The following SUMF1 variants were observed in gnomAD, a reference collection of about 807,000 sequenced individuals.
The protein encoded by SUMF1 is formylglycine-generating enzyme.
A neutral mutation model predicts 47.6 loss-of-function variants in SUMF1; 48 were observed. That is an observed-to-expected ratio of 1.01 (90% confidence interval 0.80 to 1.28). The LOEUF (loss-of-function observed/expected upper bound fraction) is 1.28. Among genes scored for constraint, SUMF1 ranks in the 50% most tolerant of loss-of-function variants. The pLI, the probability that SUMF1 is intolerant of heterozygous loss-of-function variation, is 0.00. For missense variants in SUMF1, 571 were observed against 485.4 expected (o/e 1.18, Z -1.66); for synonymous variants, 230 against 192.1 (o/e 1.20, Z -1.63).
intron 2 of SUMF1, among the ~76,000 whole-genome samples, chr3:4,451,926 A>G (rs1702984764): frequency 6.6e-6 from 1 of 151,908 alleles, no homozygotes; most frequent in East Asian, 1.9e-4. Context: ...CTCGTGATCC[A>G]CCCACCTCAG....
intron 8 of SUMF1, among the ~76,000 whole-genome samples, chr3:4,229,830 A>G (rs1164646452): frequency 6.6e-6 from 1 of 152,072 alleles, no homozygotes; most frequent in Non-Finnish European, 1.5e-5. Flanking sequence ...CCTGGGCAAC[A>G]TAGCAAGACC....
intron 8 of SUMF1, among the ~76,000 whole-genome samples, chr3:4,337,271 CCTT>C (rs1699175092): frequency 7.6e-6 from 1 of 131,562 alleles, no homozygotes; most frequent in African/African-American, 2.9e-5. Context: ...CACTCCCCCT[CCTT>C]TTGTTTCTTC....
intron 9 of SUMF1, among the ~76,000 whole-genome samples, chr3:4,052,358 C>T (rs1695126684): frequency 6.6e-6 from 1 of 152,146 alleles, no homozygotes. Context: ...TTGGCAAGGA[C>T]ACAAATATTC....
chr3:4,364,179 A>T (rs1039201577), intron 8 of SUMF1, among the ~76,000 whole-genome samples: 1 of 142,204 alleles, frequency 7.0e-6, no homozygotes, highest in African/African-American at 2.5e-5. Context: ...ATTGGTCTAA[A>T]ATTCTCTTTC....
At chr3:4,460,598 CAGTG>C (rs1240939837) in intron 1 of SUMF1, among the ~76,000 whole-genome samples, 3 of 136,368 alleles carry the variant, frequency 2.2e-5, no homozygotes, top group Non-Finnish European at 1.6e-5. Context: ...CTCACACACA[CAGTG>C]TGTGTGTGTG....
chr3:4,067,214 C>T (rs1045474572), intron 9 of SUMF1, among the ~76,000 whole-genome samples: 1 of 152,154 alleles, frequency 6.6e-6, no homozygotes, highest in Non-Finnish European at 1.5e-5. Flanking sequence ...AGAAGTACTT[C>T]CAATGGGTTA....
rs891864720 is a variant in SUMF1, at chr3:4,063,701, C to G, written c.1191+4868G>C. On this transcript the variant is annotated intron_variant and NMD_transcript_variant, in intron 9 of 12. Transcript: ENST00000448413. The stretch of plus-strand genomic sequence containing the variant: ...AGTCTCCTTTCTACTATTTAGCCAT[C>G]CTGGTGGTCTTTTGGAAGACACCAG... Among the ~76,000 whole-genome samples the G allele has an allele frequency of 3.9e-5, 6 of 152,116 alleles. No homozygotes were observed. In the South Asian group the frequency reaches 1.2e-3, roughly 32 times the overall value.
intron 8 of SUMF1, among the ~76,000 whole-genome samples, chr3:4,072,646 G>A (rs964534703): frequency 3.3e-5 from 5 of 152,152 alleles, no homozygotes; most frequent in African/African-American, 4.8e-5. Context: ...TAAATGACCT[G>A]TTGGAGCTGA....
At position 4,119,883 on chromosome 3, in the gene SUMF1, G is replaced by A. The variant is rs113406952; in HGVS notation, c.1015-51138C>T. On this transcript the variant is annotated intron_variant and NMD_transcript_variant, in intron 8 of 12. Coordinates refer to the SUMF1 transcript ENST00000448413. ...GCTGCCACTGACACTGTCCATTTAG[G>A]TAGGGTACAGCCATGTTTGAGAAAA... 5.5e-3 allele frequency among the ~76,000 whole-genome samples: 834 copies of A among 152,242 alleles called. 6 individuals are homozygous for A. Among genetic ancestry groups the A allele is most frequent in the Non-Finnish European group, 7.7e-3 (521 of 68,030 alleles).
intron 6 of SUMF1, among the ~76,000 whole-genome samples, chr3:4,416,367 C>G (rs1701712650): frequency 6.6e-6 from 1 of 151,902 alleles, no homozygotes; most frequent in Non-Finnish European, 1.5e-5. Flanking sequence ...GACAGGTTAT[C>G]CAGCTGCTGA....
At chr3:4,185,585 T>C (rs1695185045) in intron 8 of SUMF1, among the ~76,000 whole-genome samples, 1 of 152,196 alleles carries the variant, frequency 6.6e-6, no homozygotes, top group Admixed American at 6.5e-5. Context: ...CCAAAGTTAA[T>C]ACTAATGCGA....
intron 8 of SUMF1, among the ~76,000 whole-genome samples, chr3:4,136,759 T>G (rs1038055278): frequency 6.0e-5 from 9 of 149,534 alleles, no homozygotes; most frequent in Non-Finnish European, 1.0e-4. Context: ...TACAATGAAC[T>G]CAAACAAATT....
chr3:4,126,657 G>C (rs1366438308), intron 8 of SUMF1, among the ~76,000 whole-genome samples: 1 of 152,134 alleles, frequency 6.6e-6, no homozygotes, highest in African/African-American at 2.4e-5. Flanking sequence ...CACTTTTCAG[G>C]AAGAACTAAA....
At chr3:4,035,076 A>G (rs1002300425) in intron 9 of SUMF1, among the ~76,000 whole-genome samples, 3 of 152,104 alleles carry the variant, frequency 2.0e-5, no homozygotes, top group African/African-American at 7.2e-5. Flanking sequence ...CTGGAGGACA[A>G]CAAAGGCACT....
intron 8 of SUMF1, among the ~76,000 whole-genome samples, chr3:4,221,424 TG>T (rs1696061461): frequency 6.7e-6 from 1 of 149,852 alleles, no homozygotes; most frequent in East Asian, 2.0e-4. Context: ...GGTGTGTGTG[TG>T]TGTGTGTGTG....
chr3:4,220,857 C>A (rs1366424607), intron 8 of SUMF1, among the ~76,000 whole-genome samples: 1 of 152,092 alleles, frequency 6.6e-6, no homozygotes, highest in Admixed American at 6.6e-5. Context: ...CTTCCAGCAA[C>A]ATGAAAGTTT....
chr3:4,316,624 CTCTTAT>C (rs1367897127), intron 8 of SUMF1: 1 of 1,551,234 alleles, frequency 6.4e-7, no homozygotes, highest in South Asian at 1.2e-5. Flanking sequence ...GTGTCATCTT[CTCTTAT>C]TCTACGCAAC....
chr3:4,049,614 G>A (rs1695067725), intron 9 of SUMF1, among the ~76,000 whole-genome samples: 1 of 152,070 alleles, frequency 6.6e-6, no homozygotes. Context: ...AGCACCCCTG[G>A]GCTCCAGCCC....
At chr3:4,057,885 T>C (rs557833959) in intron 9 of SUMF1, among the ~76,000 whole-genome samples, 99 of 152,258 alleles carry the variant, frequency 6.5e-4, no homozygotes, top group Middle Eastern at 6.8e-3. Context: ...TGGAACCCTA[T>C]GGCTTCAAAG....
Sources: allele counts gnomAD v4.1 joint callset (sites outside exome capture counted in the v4.1 genomes callset), GRCh38; gene constraint gnomAD v4.1.1; transcripts MANE v1.5; gene names NCBI Gene and HGNC (gene_info 2026-07-23, HGNC 2026-07-21).